The following CACNA1C variants were observed in gnomAD, a reference collection of about 807,000 sequenced individuals.
CACNA1C encodes calcium voltage-gated channel subunit alpha1 C.
A neutral mutation model predicts 229.0 loss-of-function variants in CACNA1C; 30 were observed. The observed-to-expected ratio is 0.13, with a 90% CI of 0.10 to 0.18. The LOEUF (loss-of-function observed/expected upper bound fraction) is 0.18, where lower values mean the gene tolerates loss of function less well. Ranked by LOEUF, CACNA1C falls within the 10% of genes least tolerant of loss-of-function variation. CACNA1C has a pLI of 1.00. For synonymous variants in CACNA1C, 1,114 were observed against 1,132.5 expected (o/e 0.98, Z 0.33); for missense variants, 1,658 against 2,845.0 (o/e 0.58, Z 9.49).
chr12:2,410,096 T>C lies in CACNA1C; in HGVS notation c.478-38880T>C, dbSNP rs2098789981. 6.6e-6 allele frequency among the ~76,000 whole-genome samples: 1 copy of C among 152,200 alleles called. No homozygotes were observed. The highest frequency in any genetic ancestry group is 6.5e-5 in the Admixed American group (1 of 15,286). ...CCTCAGCAAGCTGGCAGCTTCGTCC[T>C]CTCAGACTGTGGGTTGCTTTTAGCT... On this transcript the variant is annotated intron_variant, in intron 3 of 46. Coordinates refer to ENST00000399655, the MANE Select transcript of CACNA1C (RefSeq NM_000719.7). The surrounding 1 kb of genome is among the most constrained non-coding windows in gnomAD (Gnocchi z 5.3).
intron 3 of CACNA1C, among the ~76,000 whole-genome samples, chr12:2,445,383 C>A (rs1453458185): frequency 6.6e-6 from 1 of 152,220 alleles, no homozygotes; most frequent in East Asian, 1.9e-4. Flanking sequence ...AAGTCTCCAG[C>A]ACCCAACACT....
At chr12:2,568,464 G>A (rs2052483350) in intron 13 of CACNA1C, among the ~76,000 whole-genome samples, 1 of 152,098 alleles carries the variant, frequency 6.6e-6, no homozygotes, top group South Asian at 2.1e-4. Context: ...CCACTTCTGG[G>A]TATATGCCCA....
At position 2,067,190 on chromosome 12, in the gene CACNA1C, T is replaced by A. The variant is rs2059568376; in HGVS notation, c.49+13579T>A. Among the ~76,000 whole-genome samples, 1 of 151,952 alleles carries A rather than the reference T, an allele frequency of 6.6e-6. No homozygotes were observed. The highest frequency in any genetic ancestry group is 2.1e-4 in the South Asian group (1 of 4,812). On this transcript the variant is annotated intron_variant, in intron 1 of 46. Coordinates refer to ENST00000399655, the MANE Select transcript of CACNA1C (RefSeq NM_000719.7). The surrounding 1 kb of genome is among the most constrained non-coding windows in gnomAD (Gnocchi z 5.3). The stretch of plus-strand genomic sequence containing the variant: ...CCAAGCTCGAGCTGGTGTGGGAGAA[T>A]CAAGGTGGCCAGTGGGATGCAGGAG...
intron 1 of CACNA1C, among the ~76,000 whole-genome samples, chr12:2,042,911 G>A (rs1488191008): frequency 6.6e-6 from 1 of 152,182 alleles, no homozygotes; most frequent in Admixed American, 6.5e-5. Context: ...CATAAGAATA[G>A]TTTGCATAAG....
At chr12:2,434,239 A>T (rs1236787364) in intron 3 of CACNA1C, among the ~76,000 whole-genome samples, 1 of 152,146 alleles carries the variant, frequency 6.6e-6, no homozygotes, top group African/African-American at 2.4e-5. Flanking sequence ...ATCCCCACAT[A>T]CATCTCCACG....
rs571514262 is a variant in CACNA1C at position 2,021,732 on chromosome 12, G to C, written c.139+50531G>C. ...CAGTTCTGGAGGCTGGGAAGTCCAA[G>C]ATCTAGGCGCCAGCATCTGGTGAAG... On this transcript the variant is annotated intron_variant, in intron 1 of 46. Coordinates refer to the CACNA1C transcript ENST00000682462. Among the ~76,000 whole-genome samples the C allele has an allele frequency of 3.5e-4, 54 of 152,212 alleles. No homozygotes were observed. In the South Asian group the frequency reaches 0.011, roughly 30 times the overall value.
intron 3 of CACNA1C, among the ~76,000 whole-genome samples, chr12:2,362,500 C>T (rs1475784705): frequency 6.6e-6 from 1 of 152,182 alleles, no homozygotes; most frequent in Non-Finnish European, 1.5e-5. Context: ...AGCTAATCCT[C>T]AACATTGCAC....
At chr12:2,375,821 G>T (rs2098038302) in intron 3 of CACNA1C, among the ~76,000 whole-genome samples, 1 of 152,208 alleles carries the variant, frequency 6.6e-6, no homozygotes, top group Admixed American at 6.5e-5. Flanking sequence ...TCTGCCCAGA[G>T]CTCACTGGTA....
chr12:2,279,089 ATAT>A (rs1300763616), intron 3 of CACNA1C, among the ~76,000 whole-genome samples: 1 of 152,058 alleles, frequency 6.6e-6, no homozygotes. Context: ...GGTCATTTTC[ATAT>A]TATTGCATTA....
At chr12:2,409,413 AG>A (rs2098780130) in intron 3 of CACNA1C, among the ~76,000 whole-genome samples, 1 of 152,190 alleles carries the variant, frequency 6.6e-6, no homozygotes, top group South Asian at 2.1e-4. Context: ...GCTCTGATAA[AG>A]TCAAGAGCAC....
chr12:2,555,394 G>A (rs1191032910), intron 10 of CACNA1C, among the ~76,000 whole-genome samples: 2 of 152,234 alleles, frequency 1.3e-5, no homozygotes, highest in African/African-American at 2.4e-5. Context: ...GAGTCAGAGT[G>A]ACAAGGCTGA....
intron 9 of CACNA1C, among the ~76,000 whole-genome samples, chr12:2,545,661 A>T (rs1023858905): frequency 2.0e-5 from 3 of 152,264 alleles, no homozygotes; most frequent in Non-Finnish European, 4.4e-5. Context: ...GCCCATTAAA[A>T]TGATGTATAA....
At chr12:2,164,623 A>G (rs528613944) in intron 3 of CACNA1C, among the ~76,000 whole-genome samples, 1 of 152,328 alleles carries the variant, frequency 6.6e-6, no homozygotes, top group East Asian at 1.9e-4. Context: ...ACTTGTCTTC[A>G]TAATATCAGG....
chr12:2,613,604 C>T (rs2078974813), intron 29 of CACNA1C: 1 of 152,154 alleles, frequency 6.6e-6, no homozygotes, highest in Non-Finnish European at 1.5e-5. Context: ...GGTTTCCTGC[C>T]TTCTCCAGAG....
intron 3 of CACNA1C, among the ~76,000 whole-genome samples, chr12:2,201,011 A>G (rs1327794033): frequency 6.6e-6 from 1 of 152,236 alleles, no homozygotes; most frequent in South Asian, 2.1e-4. Context: ...TTTTTGCAAT[A>G]TCTCGTTTTT....
chr12:2,608,857 A>T lies in CACNA1C; in HGVS notation c.3558+145A>T. 1.3e-6 allele frequency: 1 copy of T among 761,334 alleles called. No homozygotes were observed. Among genetic ancestry groups the T allele is most frequent in the Non-Finnish European group, 2.1e-6 (1 of 473,532 alleles). The allele number at this position is 761,334 out of a possible 1,614,324, so 47.2% of individuals were successfully genotyped here. On this transcript the variant is annotated intron_variant, in intron 27 of 46. Coordinates refer to ENST00000399655, the MANE Select transcript of CACNA1C (RefSeq NM_000719.7). This position sits in a 1 kb window ranked among gnomAD's most constrained non-coding sequence, Gnocchi z 4.2. ...TATTCCTCAACCAGAGTGGGCTGTC[A>T]GTCTTTTTGAGGGACCTGTGCAAAA...
chr12:2,284,678 G>A (rs2092324781), intron 3 of CACNA1C, among the ~76,000 whole-genome samples: 2 of 152,162 alleles, frequency 1.3e-5, no homozygotes, highest in Non-Finnish European at 1.5e-5. Context: ...CCATAATTCC[G>A]GCCTGTGCAC....
intron 1 of CACNA1C, among the ~76,000 whole-genome samples, chr12:1,996,105 AATCCCAACTCTC>A (rs1393930366): frequency 6.6e-6 from 1 of 152,094 alleles, no homozygotes; most frequent in Non-Finnish European, 1.5e-5. Flanking sequence ...CTATTATTCT[AATCCCAACTCTC>A]ATCATTTCAT....
chr12:2,467,562 G>A lies in CACNA1C; in HGVS notation c.757+9856G>A, dbSNP rs1214526573. ...GGTTGTGCTCTGCAGATGGGGCAGA[G>A]CACCCTGGAGGGCAGCCAGAGACAG... On this transcript the variant is annotated intron_variant, in intron 5 of 46. Coordinates refer to ENST00000399655, the MANE Select transcript of CACNA1C (RefSeq NM_000719.7). The surrounding 1 kb of genome is among the most constrained non-coding windows in gnomAD (Gnocchi z 4.6). Among the ~76,000 whole-genome samples the A allele has an allele frequency of 6.6e-6, 1 of 152,186 alleles. No individual in the cohort carries two copies. Among genetic ancestry groups the A allele is most frequent in the Non-Finnish European group, 1.5e-5 (1 of 68,012 alleles).
Sources: gnomAD v4.1 joint callset for allele counts (sites outside exome capture counted in the v4.1 genomes callset) on GRCh38, gnomAD v4.1.1 for gene constraint, Gnocchi (gnomAD v3.1) non-coding constraint, MANE v1.5 for transcripts, NCBI Gene and HGNC (gene_info 2026-07-23, HGNC 2026-07-21) for gene names.